Variants in TRRAP observed in about 807,000 individuals in gnomAD.
TRRAP encodes the protein transformation/transcription domain associated protein.
Under a neutral mutation model 438.8 loss-of-function variants are expected in TRRAP, and 41 were observed. The observed-to-expected ratio is 0.09, with a 90% CI of 0.07 to 0.12. TRRAP has a LOEUF of 0.12. Ranked by LOEUF, TRRAP falls within the 10% of genes least tolerant of loss-of-function variation. The pLI is 1.00. For synonymous variants in TRRAP, 1,994 were observed against 1,962.9 expected (o/e 1.02, Z -0.42); for missense variants, 3,122 against 5,055.1 (o/e 0.62, Z 11.60).
chr7:98,977,219 T>C, intron 56 of TRRAP, 143 bp downstream of exon 56: 1 of 1,174,424 alleles, frequency 8.5e-7, no homozygotes, highest in Non-Finnish European at 1.2e-6. Flanking sequence ...TGGAGTGCAG[T>C]GGCACAATCT....
chr7:98,992,590 T>C (rs1415476073), intron 65 of TRRAP, among the ~76,000 whole-genome samples: 4 of 143,054 alleles, frequency 2.8e-5, no homozygotes, highest in Non-Finnish European at 4.4e-5. Context: ...TGTGTGTGTT[T>C]AAGTTATGAG....
At chr7:98,993,491 G>T (rs867368293) in intron 65 of TRRAP, 47 bp from the exon 66 acceptor site, 19 of 1,593,620 alleles carry the variant, frequency 1.2e-5, no homozygotes, top group African/African-American at 2.7e-5. Context: ...GAGCCCTGGC[G>T]TCTGTCGGTT....
intron 62 of TRRAP, 99 bp downstream of exon 62, chr7:98,985,143 GTA>G (rs1213303531): frequency 3.5e-6 from 3 of 850,238 alleles, no homozygotes; most frequent in Non-Finnish European, 5.6e-6. Flanking sequence ...CTAGAAATGG[GTA>G]TGATTTGGTG....
At chr7:98,985,394 C>T (rs1162846113) in intron 62 of TRRAP, among the ~76,000 whole-genome samples, 2 of 152,210 alleles carry the variant, frequency 1.3e-5, no homozygotes, top group Non-Finnish European at 2.9e-5. Flanking sequence ...AAAGGATGGC[C>T]TGGGGGCCAG....
chr7:98,924,642 T>TACGC (rs1554411176), intron 21 of TRRAP, among the ~76,000 whole-genome samples: 1 of 126,530 alleles, frequency 7.9e-6, no homozygotes. Flanking sequence ...TGAGCGGAGA[T>TACGC]GGCACCACTG....
intron 28 of TRRAP, among the ~76,000 whole-genome samples, chr7:98,936,491 G>A (rs1467204201): frequency 6.6e-6 from 1 of 152,188 alleles, no homozygotes; most frequent in Non-Finnish European, 1.5e-5. Flanking sequence ...CCTGTCACCT[G>A]ACATAGAAGG....
At position 98,988,801 on chromosome 7, in the gene TRRAP, G is replaced by A. The variant is rs1218567026; in HGVS notation, c.9426G>A (p.Val3142=). ...CAAACAAAGCCTTCTCTGCAGCTGT[G>A]CAGATGCACGATGTGCTGGTGAAAG... ...EEANKAFSAA[V]QMHDVLVKAW... is the part of the protein sequence containing the mutation. Residue 3142 remains valine, a synonymous_variant, in exon 63 of 73, where the codon GTG becomes GTA. Transcript: ENST00000456197. 3 of 1,614,196 alleles carry A rather than the reference G, an allele frequency of 1.9e-6. No individual in the cohort carries two copies. The highest frequency in any genetic ancestry group is 2.5e-6 in the Non-Finnish European group (3 of 1,180,040).
At chr7:98,911,543 A>C (rs569427495) in intron 17 of TRRAP, among the ~76,000 whole-genome samples, 39 of 152,242 alleles carry the variant, frequency 2.6e-4, no homozygotes, top group Admixed American at 5.2e-4. Flanking sequence ...GAGGCCGGGG[A>C]TTGCTTGAGC....
chr7:98,888,499 T>G (rs1200090441), intron 3 of TRRAP, among the ~76,000 whole-genome samples: 1 of 152,202 alleles, frequency 6.6e-6, no homozygotes, highest in Non-Finnish European at 1.5e-5. Context: ...ATCACGCCAT[T>G]GCACTCCAGC....
Position 98,949,837 on chromosome 7 carries a change from T to C in TRRAP, c.5131T>C (p.Cys1711Arg). 6.2e-7 allele frequency: 1 copy of C among 1,612,422 alleles called. No individual in the cohort carries two copies. The highest frequency in any genetic ancestry group is 8.5e-7 in the Non-Finnish European group (1 of 1,179,298). The change falls in exon 37 of 73, where the codon TGC (cysteine) becomes CGC (arginine). Residue 1711 changes from cysteine (C) to arginine (R), a missense_variant. Cys to Arg is a radical substitution (Grantham distance 180). Transcript: ENST00000456197. Reference protein sequence around the residue: ...KLLAYCLLNYCKRNYGDIELL... With the variant: ...KLLAYCLLNYRKRNYGDIELL... The stretch of plus-strand genomic sequence containing the variant: ...GCTGGCCTACTGCCTGCTGAACTAC[T>C]GCAAGTGGGTGCCTCCTCCCGCCCT...
intron 49 of TRRAP, among the ~76,000 whole-genome samples, chr7:98,966,686 G>GA (rs112493953): frequency 2.4e-3 from 335 of 142,036 alleles, no homozygotes; most frequent in South Asian, 4.2e-3. Context: ...CACTGTCTTA[G>GA]AAAAAAAAAA....
chr7:98,930,116 A>C lies in TRRAP; in HGVS notation c.3303A>C (p.Ala1101=). ...TTGATGCAATTGCTATTTGTATGGC[A>C]TATGAAGAAAAGGAGCTTTGCAAAA... is the stretch of plus-strand genomic sequence containing the variant. ...VLIDAIAICM[A]YEEKELCKIG... The change falls in exon 24 of 73, where the codon GCA becomes GCC. Residue 1101 remains alanine (A), a synonymous_variant. Coordinates refer to ENST00000456197, the MANE Select transcript of TRRAP (RefSeq NM_001375524.1). 6.2e-7 allele frequency: 1 copy of C among 1,614,234 alleles called. No individual in the cohort carries two copies. The highest frequency in any genetic ancestry group is 8.5e-7 in the Non-Finnish European group (1 of 1,180,040).
At chr7:98,949,897 C>G (rs1791253467) in intron 37 of TRRAP, 56 bp downstream of exon 37, 1 of 1,582,922 alleles carries the variant, frequency 6.3e-7, no homozygotes, top group Admixed American at 1.7e-5. Flanking sequence ...AAAAGCTCAG[C>G]CAGAGCCTCC....
At chr7:98,941,377 T>C (rs758518888) in intron 30 of TRRAP, among the ~76,000 whole-genome samples, 28 of 152,152 alleles carry the variant, frequency 1.8e-4, no homozygotes, top group Non-Finnish European at 3.8e-4. Flanking sequence ...GGTCACACCA[T>C]GTTGGCCTGG....
chr7:98,992,829 G>A (rs1238558748), intron 65 of TRRAP, among the ~76,000 whole-genome samples: 5 of 152,194 alleles, frequency 3.3e-5, no homozygotes, highest in Non-Finnish European at 7.3e-5. Flanking sequence ...GCCGTGGGCC[G>A]TGTGTGGTTG....
chr7:98,928,036 C>G (rs1291831589), intron 23 of TRRAP, among the ~76,000 whole-genome samples: 4 of 152,098 alleles, frequency 2.6e-5, no homozygotes, highest in Admixed American at 1.3e-4. Context: ...GTCGGGAGTT[C>G]GAAACCAGCC....
intron 23 of TRRAP, among the ~76,000 whole-genome samples, chr7:98,928,005 G>A (rs1317105456): frequency 3.3e-5 from 5 of 152,146 alleles, no homozygotes; most frequent in African/African-American, 9.7e-5. Context: ...TTGGGAGGCC[G>A]AGGTGGGCGG....
intron 31 of TRRAP, 64 bp downstream of exon 31, chr7:98,943,081 G>A: frequency 6.4e-7 from 1 of 1,556,466 alleles, no homozygotes; most frequent in Non-Finnish European, 8.8e-7. Context: ...GCTAATGCCG[G>A]GACAGTGCTT....
At position 98,911,285 on chromosome 7, in the gene TRRAP, T is replaced by G; in HGVS notation, c.2007+14T>G. 3 of 1,589,538 alleles carry G rather than the reference T, an allele frequency of 1.9e-6. No homozygotes were observed. The highest frequency in any genetic ancestry group is 2.6e-6 in the Non-Finnish European group (3 of 1,166,762). ...TATGCTCTTCAGGTATAAAACTCCT[T>G]TTTTTATGTTGTTTGAACATTACAA... On this transcript the variant is annotated intron_variant, in intron 17 of 72. Coordinates refer to ENST00000456197, the MANE Select transcript of TRRAP (RefSeq NM_001375524.1).
Sources: gnomAD v4.1 joint callset for allele counts (sites outside exome capture counted in the v4.1 genomes callset) on GRCh38, gnomAD v4.1.1 for gene constraint, MANE v1.5 for transcripts, NCBI Gene and HGNC (gene_info 2026-07-23, HGNC 2026-07-21) for gene names.